DCST1: variants seen among roughly 807,000 people sequenced by gnomAD.
DCST1 encodes E3 ubiquitin-protein ligase DCST1.
In DCST1, 78 loss-of-function variants were observed where a neutral mutation model predicts 89.1. The observed-to-expected ratio is 0.88, with a 90% CI of 0.73 to 1.06. DCST1 has a LOEUF of 1.06. Among genes scored for constraint, DCST1 ranks in the 50% least tolerant of loss-of-function variants. The pLI is 0.00. For synonymous variants in DCST1, 364 were observed against 371.9 expected (o/e 0.98, Z 0.24); for missense variants, 900 against 928.6 (o/e 0.97, Z 0.40).
At position 155,041,551 on chromosome 1, in the gene DCST1, C is replaced by T. The variant is rs1378376963; in HGVS notation, c.686C>T (p.Ala229Val). 1 of 1,614,122 alleles carries T rather than the reference C, an allele frequency of 6.2e-7. No homozygotes were observed. Among genetic ancestry groups the T allele is most frequent in the East Asian group, 2.2e-5 (1 of 44,886 alleles). Residue 229 changes from alanine (A) to valine (V), a missense_variant, in exon 7 of 17, where the codon GCC (alanine) becomes GTC (valine). Physicochemically the swap from Ala to Val is moderately conservative, Grantham distance 64. Coordinates refer to ENST00000295542, the MANE Select transcript of DCST1 (RefSeq NM_152494.4). ...GGCAGGGAGGCCCGCCAAGCCCCAG[C>T]CTCCAGACTCCACCTGTCGACACAG... ...AQGREARQAP[A>V]SRLHLSTQKM...
chr1:155,037,574 G>A (rs758644277), intron 4 of DCST1, among the ~76,000 whole-genome samples: 54 of 151,714 alleles, frequency 3.6e-4, no homozygotes, highest in Non-Finnish European at 7.8e-4. Flanking sequence ...CTCCTGAGTA[G>A]CTGGGACTAC....
At chr1:155,035,051 A>AATTC (rs34390501) in intron 4 of DCST1, 102,200 of 284,922 alleles carry the variant, frequency 0.36, 21,876 homozygotes, top group East Asian at 0.84. Flanking sequence ...TAAGAAATTA[A>AATTC]ATTCATTCAT....
intron 9 of DCST1, 128 bp downstream of exon 9, chr1:155,042,984 A>G: frequency 4.7e-6 from 3 of 631,614 alleles, no homozygotes; most frequent in South Asian, 1.8e-5. Context: ...AGGGAGGGGG[A>G]CAAGGAGGGG....
At chr1:155,045,753 T>C in intron 10 of DCST1, 140 bp from the exon 11 acceptor site, 1 of 698,070 alleles carries the variant, frequency 1.4e-6, no homozygotes. Flanking sequence ...CACCATCCCC[T>C]AGCAGTGCCC....
intron 6 of DCST1, 143 bp downstream of exon 6, chr1:155,040,767 C>A: frequency 7.8e-7 from 1 of 1,284,002 alleles, no homozygotes. Context: ...CCAAACATTG[C>A]AGAACGTGCC....
At chr1:155,046,763 G>A (rs975662175) in intron 13 of DCST1, among the ~76,000 whole-genome samples, 86 of 151,966 alleles carry the variant, frequency 5.7e-4, no homozygotes, top group African/African-American at 1.9e-3. Context: ...GAGCCACCAC[G>A]GCCAGCTAAT....
chr1:155,049,417 A>ATTTT lies in DCST1; in HGVS notation c.1870-1188_1870-1185dup, dbSNP rs35719405. Among the ~76,000 whole-genome samples the ATTTT allele has an allele frequency of 1.4e-3, 212 of 146,280 alleles. 2 individuals are homozygous for ATTTT. Among genetic ancestry groups the ATTTT allele is most frequent in the African/African-American group, 5.2e-3 (206 of 39,446 alleles). The stretch of plus-strand genomic sequence containing the variant: ...CTGCCTTACATGACAATTGAATTGA[A>ATTTT]TTTTTTTTTTTTTTTGAGACTAAGT... On this transcript the variant is annotated intron_variant, in intron 16 of 16. Transcript: ENST00000295542.
Position 155,050,624 on chromosome 1 carries a change from C to G in DCST1, c.1877C>G (p.Pro626Arg). The G allele has an allele frequency of 6.3e-7, 1 of 1,581,496 alleles. No individual in the cohort carries two copies. Among genetic ancestry groups the G allele is most frequent in the Non-Finnish European group, 8.6e-7 (1 of 1,166,886 alleles). ...ACGCCCACCTCCCAACAGCGCCACC[C>G]GCTGGCGGATATCCTGCACCGCGGC... ...RERQQKAPRH[P>R]LADILHRGCP... is the part of the protein sequence containing the mutation. The change falls in exon 17 of 17, where the codon CCG (proline) becomes CGG (arginine). Residue 626 changes from proline (P) to arginine (R), a missense_variant. Physicochemically the swap from Pro to Arg is moderately radical, Grantham distance 103 (BLOSUM62 -2). Coordinates refer to ENST00000295542, the MANE Select transcript of DCST1 (RefSeq NM_152494.4).
intron 16 of DCST1, among the ~76,000 whole-genome samples, chr1:155,049,725 T>C (rs1262335057): frequency 6.6e-6 from 1 of 152,188 alleles, no homozygotes; most frequent in Non-Finnish European, 1.5e-5. Context: ...CCCTAGGGCC[T>C]GGATACCCCC....
intron 11 of DCST1, 64 bp downstream of exon 11, chr1:155,046,056 C>A: frequency 1.2e-6 from 2 of 1,613,336 alleles, no homozygotes; most frequent in South Asian, 2.2e-5. Context: ...GGTTCATGCT[C>A]CAGGAAGGCA....
At chr1:155,042,102 A>AT (rs369934745) in intron 8 of DCST1, among the ~76,000 whole-genome samples, 40 of 149,274 alleles carry the variant, frequency 2.7e-4, no homozygotes, top group South Asian at 6.3e-4. Flanking sequence ...TCTTGCATTA[A>AT]TTTTTTTTTT....
intron 2 of DCST1, 164 bp from the exon 3 acceptor site, chr1:155,034,271 T>G: frequency 6.4e-7 from 1 of 1,570,500 alleles, no homozygotes; most frequent in Non-Finnish European, 8.7e-7. Flanking sequence ...CTTACACCCA[T>G]ACCACTTCCT....
Position 155,050,911 on chromosome 1 carries a change from A to C in DCST1, c.*43A>C. 2.5e-6 allele frequency: 4 copies of C among 1,594,080 alleles called. No homozygotes were observed. The highest frequency in any genetic ancestry group is 3.4e-6 in the Non-Finnish European group (4 of 1,166,020). ...TCTTCCGCACCGTCCTTCCCGGTTAATAAAATGCCCTGTACGCTTCACGTG... is the reference window on the plus strand; with the variant it reads ...TCTTCCGCACCGTCCTTCCCGGTTACTAAAATGCCCTGTACGCTTCACGTG... On this transcript the variant is annotated 3_prime_UTR_variant, in exon 17 of 17. Coordinates refer to ENST00000295542, the MANE Select transcript of DCST1 (RefSeq NM_152494.4).
intron 4 of DCST1, among the ~76,000 whole-genome samples, chr1:155,038,434 G>A (rs1660336777): frequency 2.0e-5 from 3 of 152,214 alleles, no homozygotes; most frequent in African/African-American, 4.8e-5. Context: ...AAACTGAAGT[G>A]TAAGGTAGCA....
At position 155,048,212 on chromosome 1, in the gene DCST1, T is replaced by A. The variant is rs754862972; in HGVS notation, c.1869+42T>A. The A allele has an allele frequency of 5.1e-6, 8 of 1,560,464 alleles. No homozygotes were observed. The South Asian group carries it at 7.9e-5, about 15-fold the overall frequency. ...GTGCTGCTGCCAGCTCCTGGCTGGGTCTAAGTACAGCAGGCAAGGGGCAGC... is the reference window on the plus strand; with the variant it reads ...GTGCTGCTGCCAGCTCCTGGCTGGGACTAAGTACAGCAGGCAAGGGGCAGC... On this transcript the variant is annotated intron_variant, in intron 16 of 16. Coordinates refer to ENST00000295542, the MANE Select transcript of DCST1 (RefSeq NM_152494.4).
At chr1:155,035,977 G>A (rs1246242274) in intron 4 of DCST1, among the ~76,000 whole-genome samples, 9 of 144,828 alleles carry the variant, frequency 6.2e-5, no homozygotes, top group African/African-American at 2.3e-4. Flanking sequence ...CAACTTCACT[G>A]TCTTGGGCTG....
At chr1:155,037,438 C>CTT (rs781136167) in intron 4 of DCST1, among the ~76,000 whole-genome samples, 26 of 125,806 alleles carry the variant, frequency 2.1e-4, no homozygotes, top group African/African-American at 3.6e-4. Context: ...CATTGTTGGT[C>CTT]TTTTTTTTTT....
intron 4 of DCST1, chr1:155,034,995 A>C (rs1660229599): frequency 2.0e-6 from 1 of 498,932 alleles, no homozygotes; most frequent in African/African-American, 1.9e-5. Flanking sequence ...AACCCTTCAT[A>C]ACTCTCATCT....
At chr1:155,040,099 G>C (rs1331344514) in intron 5 of DCST1, among the ~76,000 whole-genome samples, 1 of 147,310 alleles carries the variant, frequency 6.8e-6, no homozygotes, top group Non-Finnish European at 1.5e-5. Flanking sequence ...TCAGGAGTTC[G>C]ACACCAGCCT....
Sources: gnomAD v4.1 joint callset for allele counts (sites outside exome capture counted in the v4.1 genomes callset) on GRCh38, gnomAD v4.1.1 for gene constraint, MANE v1.5 for transcripts, NCBI Gene and HGNC (gene_info 2026-07-23, HGNC 2026-07-21) for gene names.